The following CTRB2 variants were observed in gnomAD, a reference collection of about 807,000 sequenced individuals.
CTRB2 encodes chymotrypsin B2.
CTRB2 carries 9 observed loss-of-function variants against 19.3 expected under a neutral mutation model. The ratio of observed to expected loss-of-function variants is 0.47; its 90% CI spans 0.28 to 0.81. CTRB2 has a LOEUF of 0.81. Among genes scored for constraint, CTRB2 ranks in the 40% least tolerant of loss-of-function variants. The probability of loss-of-function intolerance (pLI) is 0.11; values close to 1 mark genes in which losing one functional copy is unlikely to be tolerated. For missense variants in CTRB2, 210 were observed against 269.7 expected, an observed-to-expected ratio of 0.78 and a Z score of 1.55; for synonymous variants, 98 against 117.3, an observed-to-expected ratio of 0.84 and a Z score of 1.06.
chr16:75,206,261 A>C, intron 1 of CTRB2, 68 bp from the exon 2 acceptor site: 3 of 1,457,336 alleles, frequency 2.1e-6, no homozygotes, highest in Non-Finnish European at 2.8e-6. Flanking sequence ...GCCTCCTCTC[A>C]CTCCCAACTC....
At position 75,204,193 on chromosome 16, in the gene CTRB2, G is replaced by T. The variant is rs748249913; in HGVS notation, c.760C>A (p.Pro254Thr). The change falls in exon 7 of 7, where the codon CCC becomes ACC. Residue 254 changes from proline to threonine, a missense_variant. This residue lies in a region of CTRB2 where 120 missense variants were observed against 90.8 expected (regional missense o/e 1.32). Transcript: ENST00000303037. Reference sequence around the variant, plus strand: ...GCGGCCAGGATCTTCTGCACCCAGGGTATGAGCTTGGCGACACGGGCGTAC... The same window carrying T: ...GCGGCCAGGATCTTCTGCACCCAGGTTATGAGCTTGGCGACACGGGCGTAC... ...AVYARVAKLI[P>T]WVQKILAAN 6.8e-6 allele frequency: 11 copies of T among 1,614,038 alleles called. No homozygotes were observed. The highest frequency in any genetic ancestry group is 1.1e-5 in the South Asian group (1 of 91,090).
In CTRB2 at chr16:75,206,203, G is replaced by T. The variant is rs377297071; in HGVS notation, c.53-10C>A. On this transcript the variant is annotated splice_polypyrimidine_tract_variant and intron_variant, in intron 1 of 6. Coordinates refer to ENST00000303037, the MANE Select transcript of CTRB2 (RefSeq NM_001025200.4). ...GCGGGGACCCCGCAGCCTGGGGGCG[G>T]GAGTGGGCTGAGGGGTGGGTACCAC... The T allele has an allele frequency of 5.8e-6, 9 of 1,556,446 alleles. No individual in the cohort carries two copies. The highest frequency in any genetic ancestry group is 7.8e-6 in the Non-Finnish European group (9 of 1,149,678).
chr16:75,206,306 A>T, intron 1 of CTRB2, 113 bp from the exon 2 acceptor site: 1 of 1,143,352 alleles, frequency 8.7e-7, no homozygotes, highest in South Asian at 1.6e-5. Flanking sequence ...TGGCTCCCAC[A>T]TCCCCTTCTC....
In CTRB2 at chr16:75,205,897, G is replaced by T. The variant is rs1270476477; in HGVS notation, c.236+16C>A. ...ACCGGTGCTGGAAGCGGAGCCCAAG[G>T]CTGCCCGGTCCTCACCTGACCCCGC... On this transcript the variant is annotated intron_variant, in intron 3 of 6. Transcript: ENST00000303037. The T allele has an allele frequency of 1.4e-6, 1 of 709,310 alleles. No individual in the cohort carries two copies. Among genetic ancestry groups the T allele is most frequent in the Non-Finnish European group, 2.2e-6 (1 of 445,380 alleles). The allele number at this position is 709,310 out of a possible 1,614,324, so 43.9% of individuals were successfully genotyped here.
At chr16:75,204,513 C>G (rs1263155111) in intron 6 of CTRB2, among the ~76,000 whole-genome samples, 191 bp from the exon 7 acceptor site, 1 of 152,130 alleles carries the variant, frequency 6.6e-6, no homozygotes, top group East Asian at 1.9e-4. Flanking sequence ...GGAGCTGGGG[C>G]AGGTGGCTTC....
At chr16:75,206,900 C>A (rs899460384) in intron 1 of CTRB2, 190 bp downstream of exon 1, 3 of 606,160 alleles carry the variant, frequency 4.9e-6, no homozygotes, top group Admixed American at 4.7e-5. Context: ...AGCTCAGAGG[C>A]GGCAGCTGAG....
intron 1 of CTRB2, 121 bp downstream of exon 1, chr16:75,206,969 C>T (rs2038903002): frequency 1.0e-6 from 1 of 975,340 alleles, no homozygotes; most frequent in Admixed American, 2.0e-5. Flanking sequence ...CGGTGACTCG[C>T]CCAGGCCCAC....
chr16:75,204,726 C>T, intron 6 of CTRB2, 47 bp downstream of exon 6: 1 of 1,331,272 alleles, frequency 7.5e-7, no homozygotes, highest in Non-Finnish European at 1.0e-6. Context: ...CCAGACCTCC[C>T]CTGCACCCCG....
chr16:75,206,257 TCTCA>T (rs2038890711), intron 1 of CTRB2, 64 bp from the exon 2 acceptor site: 1 of 1,476,022 alleles, frequency 6.8e-7, no homozygotes, highest in African/African-American at 1.4e-5. Flanking sequence ...TCCAGCCTCC[TCTCA>T]CTCCCAACTC....
Position 75,204,310 on chromosome 16 carries a change from C to G in CTRB2, c.643G>C (p.Gly215Arg). 1 of 1,614,004 alleles carries G rather than the reference C, an allele frequency of 6.2e-7. No individual in the cohort carries two copies. The highest frequency in any genetic ancestry group is 8.5e-7 in the Non-Finnish European group (1 of 1,180,006). Residue 215 changes from glycine (G) to arginine (R), a missense_variant, in exon 7 of 7, where the codon GGC (glycine) becomes CGC (arginine). Coordinates refer to ENST00000303037, the MANE Select transcript of CTRB2 (RefSeq NM_001025200.4). ...GVSSCMGDSG[G>R]PLVCQKDGAW... ...CCGTCCTTCTGGCAGACCAGGGGGC[C>G]TCCAGAGTCACCCTGCAGGAAGGAG...
At position 75,204,107 on chromosome 16, in the gene CTRB2, A is replaced by C. The variant is rs1366533563; in HGVS notation, c.*54T>G. On this transcript the variant is annotated 3_prime_UTR_variant, in exon 7 of 7. Transcript: ENST00000303037. ...CACAGGCAGTGCAGTCAGGGCTTCTAAACAGATGCATTTAATGGGAAATCT... is the reference window on the plus strand; with the variant it reads ...CACAGGCAGTGCAGTCAGGGCTTCTCAACAGATGCATTTAATGGGAAATCT... 2 of 1,609,920 alleles carry C rather than the reference A, an allele frequency of 1.2e-6. No individual in the cohort carries two copies. The highest frequency in any genetic ancestry group is 1.7e-6 in the Non-Finnish European group (2 of 1,176,462).
chr16:75,204,862 G>A lies in CTRB2; in HGVS notation c.541C>T (p.Leu181=), dbSNP rs1284283572. The change falls in exon 6 of 7, where the codon CTG becomes TTG. Residue 181 remains leucine (L), a synonymous_variant. Coordinates refer to ENST00000303037, the MANE Select transcript of CTRB2 (RefSeq NM_001025200.4). The part of the protein sequence containing the change: ...DKLQQAALPL[L]SNAECKKSWG... Reference sequence around the variant, plus strand: ...GACTTCTTGCATTCGGCATTGGACAGGAGGGGCAGGGCTGCCTGCTGCAGC... The same window carrying A: ...GACTTCTTGCATTCGGCATTGGACAAGAGGGGCAGGGCTGCCTGCTGCAGC... 7.3e-5 allele frequency: 91 copies of A among 1,240,922 alleles called. No individual in the cohort carries two copies. Among genetic ancestry groups the A allele is most frequent in the Non-Finnish European group, 9.9e-5 (88 of 889,416 alleles). 76.9% of individuals were successfully genotyped at this position (1,240,922 alleles called of 1,614,324 possible).
At position 75,204,760 on chromosome 16, in the gene CTRB2, G is replaced by A; in HGVS notation, c.630+13C>T. The stretch of plus-strand genomic sequence containing the variant: ...CGCTCGCCTGGCCAGGGCCTGGGCA[G>A]GGCCAGCCTCACCATGCAGGAGGAG... On this transcript the variant is annotated intron_variant, in intron 6 of 6. Transcript: ENST00000303037. 1 of 1,376,796 alleles carries A rather than the reference G, an allele frequency of 7.3e-7. No individual in the cohort carries two copies. The highest frequency in any genetic ancestry group is 1.5e-5 in the South Asian group (1 of 68,688). The allele number at this position is 1,376,796 out of a possible 1,614,324, so 85.3% of individuals were successfully genotyped here.
rs138352937 is a variant in CTRB2 at position 75,204,304 on chromosome 16, G to C, written c.649C>G (p.Leu217Val). The C allele has an allele frequency of 1.2e-6, 2 of 1,613,838 alleles. No homozygotes were observed. Among genetic ancestry groups the C allele is most frequent in the African/African-American group, 2.7e-5 (2 of 74,900 alleles). ...CAGGCTCCGTCCTTCTGGCAGACCAGGGGGCCTCCAGAGTCACCCTGCAGG... is the reference window on the plus strand; with the variant it reads ...CAGGCTCCGTCCTTCTGGCAGACCACGGGGCCTCCAGAGTCACCCTGCAGG... ...SSCMGDSGGPLVCQKDGAWTL... is the reference protein window; with the variant it reads ...SSCMGDSGGPVVCQKDGAWTL... Residue 217 changes from leucine (L) to valine (V), a missense_variant, in exon 7 of 7, where the codon CTG (leucine) becomes GTG (valine). Physicochemically the swap from Leu to Val is conservative, Grantham distance 32 (BLOSUM62 1). This residue lies in a region of CTRB2 where 120 missense variants were observed against 90.8 expected (regional missense o/e 1.32). Coordinates refer to ENST00000303037, the MANE Select transcript of CTRB2 (RefSeq NM_001025200.4).
intron 1 of CTRB2, chr16:75,206,850 G>T (rs2038900616): frequency 1.9e-6 from 1 of 529,904 alleles, no homozygotes; most frequent in South Asian, 2.0e-5. Context: ...CCTCAGGTCT[G>T]CTGGGGGTGA....
chr16:75,205,231 A>G, intron 5 of CTRB2, 102 bp downstream of exon 5: 1 of 190,526 alleles, frequency 5.2e-6, no homozygotes, highest in Non-Finnish European at 8.6e-6. Context: ...TTCAATAACG[A>G]ACGGGCAGTT....
Position 75,204,867 on chromosome 16 carries a change from G to A in CTRB2, c.536C>T (p.Pro179Leu), listed in dbSNP as rs1217916204. 9 of 1,224,900 alleles carry A rather than the reference G, an allele frequency of 7.3e-6. No homozygotes were observed. Among genetic ancestry groups the A allele is most frequent in the Non-Finnish European group, 1.0e-5 (9 of 877,270 alleles). The allele number at this position is 1,224,900 out of a possible 1,614,324, so 75.9% of individuals were successfully genotyped here. The change falls in exon 6 of 7, where the codon CCC becomes CTC. Residue 179 changes from proline (P) to leucine (L), a missense_variant. This residue lies in a region of CTRB2 where 27 missense variants were observed against 42.5 expected (regional missense o/e 0.64). Transcript: ENST00000303037. The part of the protein sequence containing the change: ...TPDKLQQAAL[P>L]LLSNAECKKS... ...CTTGCATTCGGCATTGGACAGGAGG[G>A]GCAGGGCTGCCTGCTGCAGCTTGTC...
At chr16:75,206,823 G>A (rs1442763108) in intron 1 of CTRB2, 8 of 491,076 alleles carry the variant, frequency 1.6e-5, no homozygotes, top group South Asian at 6.1e-5. Context: ...TCCTCCCCCC[G>A]CCTCCTCCCC....
At chr16:75,206,775 T>A in intron 1 of CTRB2, 1 of 425,842 alleles carries the variant, frequency 2.3e-6, no homozygotes, top group Non-Finnish European at 4.4e-6. Flanking sequence ...TGTTTGGGGG[T>A]TTCCCGAAGG....
Sources: allele counts gnomAD v4.1 joint callset (sites outside exome capture counted in the v4.1 genomes callset), GRCh38; gene constraint gnomAD v4.1.1; regional missense constraint gnomAD v4.1.1; transcripts MANE v1.5; gene names NCBI Gene and HGNC (gene_info 2026-07-23, HGNC 2026-07-21).